TMEM132C: variants seen among roughly 807,000 people sequenced by gnomAD.
The protein encoded by TMEM132C is protein phosphatase 1, regulatory subunit 152.
Under a neutral mutation model 61.4 loss-of-function variants are expected in TMEM132C, and 29 were observed. The ratio of observed to expected loss-of-function variants is 0.47; its 90% CI spans 0.35 to 0.64. TMEM132C has a LOEUF of 0.64. TMEM132C is among the 30% of genes least tolerant of loss of function. TMEM132C has a pLI of 0.00. For missense variants in TMEM132C, 1,408 were observed against 1,476.9 expected (o/e 0.95, Z 0.76); for synonymous variants, 656 against 633.1 (o/e 1.04, Z -0.54).
chr12:128,358,904 C>A (rs186265145), intron 1 of TMEM132C, among the ~76,000 whole-genome samples: 26 of 152,302 alleles, frequency 1.7e-4, no homozygotes, highest in Middle Eastern at 3.4e-3. Context: ...AGAATGCTCA[C>A]CCTGGTACCA....
At chr12:128,673,511 G>A (rs149705600) in intron 5 of TMEM132C, among the ~76,000 whole-genome samples, 39 of 152,330 alleles carry the variant, frequency 2.6e-4, no homozygotes, top group African/African-American at 9.1e-4. Flanking sequence ...CCTCCCCAAA[G>A]AGACAATGCC....
chr12:128,533,083 A>G (rs933624729), intron 2 of TMEM132C, among the ~76,000 whole-genome samples: 1 of 152,188 alleles, frequency 6.6e-6, no homozygotes, highest in African/African-American at 2.4e-5. Flanking sequence ...CGTGTGTGCC[A>G]TGCCTTTGTA....
At chr12:128,627,882 G>A (rs1954031079) in intron 4 of TMEM132C, among the ~76,000 whole-genome samples, 1 of 152,234 alleles carries the variant, frequency 6.6e-6, no homozygotes, top group Non-Finnish European at 1.5e-5. Context: ...CTGCTGGACA[G>A]CTCACGGCCA....
intron 1 of TMEM132C, among the ~76,000 whole-genome samples, chr12:128,409,775 C>T (rs1234894709): frequency 6.6e-6 from 1 of 152,056 alleles, no homozygotes; most frequent in Non-Finnish European, 1.5e-5. Flanking sequence ...CAGAGGGACC[C>T]GAGCCTTGGA....
chr12:128,335,589 C>T (rs1477849061), intron 1 of TMEM132C, among the ~76,000 whole-genome samples: 1 of 152,172 alleles, frequency 6.6e-6, no homozygotes, highest in African/African-American at 2.4e-5. Context: ...ATCATTGTAG[C>T]TCATGAAGAA....
chr12:128,702,200 C>T (rs1593154349), intron 8 of TMEM132C, among the ~76,000 whole-genome samples: 1 of 151,848 alleles, frequency 6.6e-6, no homozygotes, highest in East Asian at 1.9e-4. Context: ...ACATCTGGCC[C>T]CCATTTGCTG....
At chr12:128,470,123 G>A (rs1870897884) in intron 2 of TMEM132C, among the ~76,000 whole-genome samples, 1 of 152,132 alleles carries the variant, frequency 6.6e-6, no homozygotes, top group Non-Finnish European at 1.5e-5. Context: ...GTTCCAAGTG[G>A]ACCAGCTTCT....
intron 1 of TMEM132C, among the ~76,000 whole-genome samples, chr12:128,335,049 CA>C (rs1429983620): frequency 6.6e-6 from 1 of 152,214 alleles, no homozygotes; most frequent in East Asian, 1.9e-4. Flanking sequence ...TTACATGTAT[CA>C]TAGATTGCAA....
intron 2 of TMEM132C, among the ~76,000 whole-genome samples, chr12:128,473,330 T>G (rs145365526): frequency 0.048 from 176 of 3,650 alleles, 4 homozygotes; most frequent in Non-Finnish European, 0.11. Context: ...ATCTTCATCT[T>G]CAGTCCAGCC....
chr12:128,636,430 T>G (rs1007803141), intron 4 of TMEM132C, among the ~76,000 whole-genome samples: 4 of 152,152 alleles, frequency 2.6e-5, no homozygotes, highest in African/African-American at 9.7e-5. Flanking sequence ...TGTACACAAT[T>G]TCATCAATTT....
intron 2 of TMEM132C, among the ~76,000 whole-genome samples, chr12:128,526,636 A>T (rs1318664214): frequency 6.6e-6 from 1 of 152,248 alleles, no homozygotes; most frequent in African/African-American, 2.4e-5. Flanking sequence ...TCAGAGAGTG[A>T]TAAAGGCTAT....
At chr12:128,293,021 C>T (rs748676162) in intron 1 of TMEM132C, among the ~76,000 whole-genome samples, 1 of 148,990 alleles carries the variant, frequency 6.7e-6, no homozygotes, top group East Asian at 1.9e-4. Flanking sequence ...TTACAGTAGA[C>T]CTTGATTTTC....
chr12:128,661,904 A>G (rs551930293), intron 4 of TMEM132C, among the ~76,000 whole-genome samples: 6 of 152,226 alleles, frequency 3.9e-5, no homozygotes, highest in Non-Finnish European at 7.3e-5. Context: ...ATAAAAGCAA[A>G]AGACAATACC....
intron 4 of TMEM132C, among the ~76,000 whole-genome samples, chr12:128,665,395 GCACT>G (rs1954449760): frequency 7.7e-6 from 1 of 129,918 alleles, no homozygotes; most frequent in Admixed American, 7.8e-5. Context: ...ACAGACACAG[GCACT>G]CACACATACA....
intron 2 of TMEM132C, among the ~76,000 whole-genome samples, chr12:128,460,174 G>A (rs958815761): frequency 6.6e-6 from 1 of 152,148 alleles, no homozygotes; most frequent in South Asian, 2.1e-4. Flanking sequence ...CCCAAATCAA[G>A]CTGGCTTAGG....
chr12:128,614,591 G>C (rs1876737469), intron 3 of TMEM132C, among the ~76,000 whole-genome samples: 1 of 152,220 alleles, frequency 6.6e-6, no homozygotes, highest in South Asian at 2.1e-4. Flanking sequence ...GCCCTAGCCA[G>C]ATATGTGGTT....
chr12:128,273,496 A>C (rs1870587387), intron 1 of TMEM132C, among the ~76,000 whole-genome samples: 1 of 152,074 alleles, frequency 6.6e-6, no homozygotes, highest in Non-Finnish European at 1.5e-5. Flanking sequence ...CCAATCTGAT[A>C]ATCTCTGTCT....
At chr12:128,620,061 T>C (rs939104933) in intron 4 of TMEM132C, among the ~76,000 whole-genome samples, 4 of 151,694 alleles carry the variant, frequency 2.6e-5, no homozygotes, top group African/African-American at 9.7e-5. Context: ...TGAGACCTCA[T>C]TTCTACAAAA....
rs890058717 is a variant in TMEM132C, at chr12:128,539,122, G to A, written c.975-4835G>A. Reference sequence around the variant, plus strand: ...TTCGTTTCCCGGGGAAGTCTTTGCCGGAATCTTCTCCATGCCTCATGCTCT... The same window carrying A: ...TTCGTTTCCCGGGGAAGTCTTTGCCAGAATCTTCTCCATGCCTCATGCTCT... On this transcript the variant is annotated intron_variant, in intron 2 of 8. Transcript: ENST00000435159. Among the ~76,000 whole-genome samples the A allele has an allele frequency of 1.2e-4, 18 of 152,064 alleles. No homozygotes were observed. In the East Asian group the frequency reaches 2.7e-3, roughly 23 times the overall value.
Sources: gnomAD v4.1 joint callset for allele counts (sites outside exome capture counted in the v4.1 genomes callset) on GRCh38, gnomAD v4.1.1 for gene constraint, MANE v1.5 for transcripts, NCBI Gene and HGNC (gene_info 2026-07-23, HGNC 2026-07-21) for gene names.